AGBL4: variants seen among roughly 807,000 people sequenced by gnomAD.
The protein encoded by AGBL4 is AGBL carboxypeptidase 4, also known as cytosolic carboxypeptidase 6.
In AGBL4, 58 loss-of-function variants were observed where a neutral mutation model predicts 66.4. The observed-to-expected ratio is 0.87, with a 90% CI of 0.71 to 1.09. The LOEUF is 1.09. Among genes scored for constraint, AGBL4 ranks in the 50% least tolerant of loss-of-function variants. AGBL4 has a pLI of 0.00. For synonymous variants in AGBL4, 234 were observed against 222.9 expected (o/e 1.05, Z -0.44); for missense variants, 579 against 631.0 (o/e 0.92, Z 0.88).
intron 3 of AGBL4, among the ~76,000 whole-genome samples, chr1:49,587,114 C>A (rs1256883183): frequency 6.6e-6 from 1 of 151,994 alleles, no homozygotes; most frequent in Non-Finnish European, 1.5e-5. Flanking sequence ...GGTGTAGTGG[C>A]ATATGCCTGT....
chr1:49,150,095 G>T (rs1335191534), intron 4 of AGBL4, among the ~76,000 whole-genome samples: 1 of 151,998 alleles, frequency 6.6e-6, no homozygotes, highest in African/African-American at 2.4e-5. Flanking sequence ...ATAGACATAG[G>T]CATCACAAAA....
intron 4 of AGBL4, among the ~76,000 whole-genome samples, chr1:49,141,103 A>G (rs1341529038): frequency 6.6e-6 from 1 of 152,160 alleles, no homozygotes; most frequent in Non-Finnish European, 1.5e-5. Flanking sequence ...AAAAAAGAAG[A>G]TATTATTAAT....
intron 4 of AGBL4, among the ~76,000 whole-genome samples, chr1:49,107,383 T>A (rs540125107): frequency 1.3e-5 from 2 of 152,288 alleles, no homozygotes; most frequent in East Asian, 3.9e-4. Context: ...TATTTTCAAC[T>A]TACAATAGGT....
intron 3 of AGBL4, among the ~76,000 whole-genome samples, chr1:49,537,258 C>G (rs1295293170): frequency 1.3e-5 from 2 of 152,052 alleles, no homozygotes; most frequent in Non-Finnish European, 2.9e-5. Flanking sequence ...ACGAAGATCT[C>G]AAAAACACAG....
chr1:48,804,283 A>G (rs1186366337), intron 6 of AGBL4, among the ~76,000 whole-genome samples: 8 of 152,206 alleles, frequency 5.3e-5, no homozygotes, highest in Non-Finnish European at 1.2e-4. Flanking sequence ...TCTAAAAGGT[A>G]TCCCATTACA....
chr1:49,328,569 A>G (rs1645269999), intron 3 of AGBL4, among the ~76,000 whole-genome samples: 1 of 152,182 alleles, frequency 6.6e-6, no homozygotes. Flanking sequence ...AATAACTCCC[A>G]AATAATGCTA....
intron 2 of AGBL4, among the ~76,000 whole-genome samples, chr1:49,804,422 T>A (rs1644931964): frequency 6.6e-6 from 1 of 152,174 alleles, no homozygotes; most frequent in African/African-American, 2.4e-5. Flanking sequence ...CAGTATACAA[T>A]GGATGAGGTC....
chr1:49,514,836 G>T (rs1265822504), intron 3 of AGBL4, among the ~76,000 whole-genome samples: 1 of 152,072 alleles, frequency 6.6e-6, no homozygotes, highest in Non-Finnish European at 1.5e-5. Context: ...CTAGCCATAT[G>T]TAGAAAGCTG....
intron 6 of AGBL4, among the ~76,000 whole-genome samples, chr1:48,859,636 C>A (rs554274193): frequency 2.0e-5 from 3 of 152,322 alleles, no homozygotes; most frequent in African/African-American, 7.2e-5. Flanking sequence ...TGCTAGAACA[C>A]AAAAGATACA....
At position 49,171,593 on chromosome 1, in the gene AGBL4, A is replaced by G. The variant is rs561686208; in HGVS notation, c.377+74177T>C. ...TAACTATTAGAAGTGAAGGAACTACAATATGATAGTCATTCCACTGACCAT... is the reference window on the plus strand; with the variant it reads ...TAACTATTAGAAGTGAAGGAACTACGATATGATAGTCATTCCACTGACCAT... On this transcript the variant is annotated intron_variant, in intron 4 of 13. Transcript: ENST00000371839. 1.9e-3 allele frequency among the ~76,000 whole-genome samples: 285 copies of G among 152,342 alleles called. 10 individuals are homozygous for G. The South Asian group carries it at 0.057, about 31-fold the overall frequency.
chr1:49,242,203 C>G (rs1340816702), intron 4 of AGBL4, among the ~76,000 whole-genome samples: 1 of 151,918 alleles, frequency 6.6e-6, no homozygotes, highest in Non-Finnish European at 1.5e-5. Context: ...TCCTAATCAA[C>G]TGATATTAAT....
intron 1 of AGBL4, among the ~76,000 whole-genome samples, chr1:49,983,631 A>G (rs1048364063): frequency 2.6e-5 from 4 of 152,280 alleles, no homozygotes; most frequent in African/African-American, 9.6e-5. Flanking sequence ...TGGCAAAGCA[A>G]CACCCCAAGC....
chr1:49,451,981 G>A (rs1646287083), intron 3 of AGBL4, among the ~76,000 whole-genome samples: 2 of 151,818 alleles, frequency 1.3e-5, no homozygotes, highest in Admixed American at 1.3e-4. Flanking sequence ...CAGAACTTTG[G>A]ATCACATCCT....
At chr1:48,639,615 G>A (rs561290241) in intron 8 of AGBL4, among the ~76,000 whole-genome samples, 65 of 152,318 alleles carry the variant, frequency 4.3e-4, no homozygotes, top group Admixed American at 4.2e-3. Context: ...GAGGAAAAGT[G>A]TTGATACAGT....
At chr1:49,959,616 G>C (rs992912326) in intron 1 of AGBL4, among the ~76,000 whole-genome samples, 1 of 152,056 alleles carries the variant, frequency 6.6e-6, no homozygotes, top group Non-Finnish European at 1.5e-5. Flanking sequence ...CATGTGGAAA[G>C]CAGTGTGGCA....
At chr1:49,283,313 A>G (rs371710735) in intron 3 of AGBL4, among the ~76,000 whole-genome samples, 8 of 152,298 alleles carry the variant, frequency 5.3e-5, no homozygotes, top group Admixed American at 2.0e-4. Flanking sequence ...TGAGGGTCCT[A>G]TCTGTTAGAA....
chr1:48,802,134 C>T (rs1224484036), intron 6 of AGBL4, among the ~76,000 whole-genome samples: 1 of 152,186 alleles, frequency 6.6e-6, no homozygotes, highest in African/African-American at 2.4e-5. Flanking sequence ...CGTCTCCCTG[C>T]TTCCTCTCTG....
chr1:49,825,517 T>C (rs1645486564), intron 2 of AGBL4, among the ~76,000 whole-genome samples: 1 of 152,228 alleles, frequency 6.6e-6, no homozygotes, highest in African/African-American at 2.4e-5. Context: ...ATGTGTCAAT[T>C]TGGCTGGGTC....
chr1:49,864,106 T>G (rs1364693000), intron 1 of AGBL4, among the ~76,000 whole-genome samples: 3 of 152,204 alleles, frequency 2.0e-5, no homozygotes, highest in Admixed American at 6.5e-5. Context: ...TCCTGTCATT[T>G]CCAAAAACAT....
Sources: allele counts gnomAD v4.1 joint callset (sites outside exome capture counted in the v4.1 genomes callset), GRCh38; gene constraint gnomAD v4.1.1; transcripts MANE v1.5; gene names NCBI Gene and HGNC (gene_info 2026-07-23, HGNC 2026-07-21).